Variants in WWOX observed in about 807,000 individuals in gnomAD.
WWOX encodes the protein WW domain-containing oxidoreductase.
In WWOX, 69 loss-of-function variants were observed where a neutral mutation model predicts 46.2. That is an observed-to-expected ratio of 1.49 (90% CI 1.23 to 1.82). The LOEUF is 1.82. WWOX is among the 40% of genes most tolerant of loss of function. The probability of loss-of-function intolerance (pLI) is 0.00; values close to 1 mark genes in which losing one functional copy is unlikely to be tolerated. For missense variants in WWOX, 919 were observed against 542.6 expected (o/e 1.69, Z -6.89); for synonymous variants, 359 against 202.6 (o/e 1.77, Z -6.56).
intron 8 of WWOX, among the ~76,000 whole-genome samples, chr16:78,910,802 C>G (rs966604520): frequency 2.6e-5 from 4 of 151,848 alleles, no homozygotes; most frequent in Non-Finnish European, 5.9e-5. Flanking sequence ...CCCCATGATT[C>G]AGTTACCTCT....
Position 79,207,109 on chromosome 16 carries a change from A to G in WWOX, c.1057-4499A>G, listed in dbSNP as rs34633599. Among the ~76,000 whole-genome samples the G allele has an allele frequency of 8.3e-3, 1,259 of 152,320 alleles. 8 individuals are homozygous for G. The highest frequency in any genetic ancestry group is 0.054 in the Middle Eastern group (16 of 294). ...GGAGACAGGGAAAGACAGGGCGTGT[A>G]GACGGCCATCTATTCCACCTGTGAC... On this transcript the variant is annotated intron_variant, in intron 8 of 8. Coordinates refer to ENST00000566780, the MANE Select transcript of WWOX (RefSeq NM_016373.4).
chr16:79,136,742 A>T (rs558918403), intron 8 of WWOX, among the ~76,000 whole-genome samples: 3 of 152,322 alleles, frequency 2.0e-5, no homozygotes, highest in African/African-American at 7.2e-5. Flanking sequence ...CAGCTTCCTG[A>T]CATATGGCAG....
At chr16:79,139,312 C>T (rs1425016014) in intron 8 of WWOX, among the ~76,000 whole-genome samples, 1 of 152,218 alleles carries the variant, frequency 6.6e-6, no homozygotes, top group Non-Finnish European at 1.5e-5. Flanking sequence ...ATTCCAGCTA[C>T]AGAAGCAAAG....
At chr16:78,366,422 C>T (rs968735287) in intron 5 of WWOX, among the ~76,000 whole-genome samples, 2 of 152,100 alleles carry the variant, frequency 1.3e-5, no homozygotes, top group African/African-American at 4.8e-5. Flanking sequence ...GGTGATAAAA[C>T]AACAGACACT....
chr16:78,170,370 T>G (rs78712983), intron 5 of WWOX, among the ~76,000 whole-genome samples: 5,669 of 152,308 alleles, frequency 0.037, 158 homozygotes, highest in Non-Finnish European at 0.06. Flanking sequence ...CAACTCTGTG[T>G]ATATAAAGTC....
At chr16:78,833,564 A>T (rs977796527) in intron 8 of WWOX, among the ~76,000 whole-genome samples, 1 of 152,158 alleles carries the variant, frequency 6.6e-6, no homozygotes, top group Non-Finnish European at 1.5e-5. Context: ...CAGTAGGCTT[A>T]TGGTGCTTGT....
chr16:78,705,991 G>A (rs1246678743), intron 8 of WWOX, among the ~76,000 whole-genome samples: 1 of 150,626 alleles, frequency 6.6e-6, no homozygotes, highest in Non-Finnish European at 1.5e-5. Flanking sequence ...GACTCAGATA[G>A]GTGTGTATTC....
intron 8 of WWOX, among the ~76,000 whole-genome samples, chr16:78,519,487 T>TG (rs2043304582): frequency 6.6e-6 from 1 of 151,050 alleles, no homozygotes; most frequent in East Asian, 1.9e-4. Flanking sequence ...TATACATCTA[T>TG]GAAATATATA....
intron 8 of WWOX, among the ~76,000 whole-genome samples, chr16:78,869,442 C>T (rs556316011): frequency 1.3e-5 from 2 of 152,224 alleles, no homozygotes; most frequent in African/African-American, 2.4e-5. Flanking sequence ...GTCACCAACA[C>T]AAGTTTATAC....
chr16:78,866,432 C>G (rs377435010), intron 8 of WWOX, among the ~76,000 whole-genome samples: 1 of 134,474 alleles, frequency 7.4e-6, no homozygotes, highest in South Asian at 2.3e-4. Flanking sequence ...CAAGACATCC[C>G]GTGCTATTTT....
At chr16:78,311,087 T>C (rs1166866141) in intron 5 of WWOX, among the ~76,000 whole-genome samples, 2 of 152,126 alleles carry the variant, frequency 1.3e-5, no homozygotes, top group Non-Finnish European at 2.9e-5. Context: ...GGGGTACAGA[T>C]GTGGGACTTG....
At position 78,986,139 on chromosome 16, in the gene WWOX, A is replaced by G. The variant is rs138799884; in HGVS notation, c.1057-225469A>G. On this transcript the variant is annotated intron_variant, in intron 8 of 8. Coordinates refer to ENST00000566780, the MANE Select transcript of WWOX (RefSeq NM_016373.4). Reference sequence around the variant, plus strand: ...TTTATGGAGTCAGGAGCACACATACATTCCTGGTTCTGTCAGCATTTCCCT... The same window carrying G: ...TTTATGGAGTCAGGAGCACACATACGTTCCTGGTTCTGTCAGCATTTCCCT... Among the ~76,000 whole-genome samples, 896 of 152,310 alleles carry G rather than the reference A, an allele frequency of 5.9e-3. 31 individuals carry two copies. Among genetic ancestry groups the G allele is most frequent in the Admixed American group, 0.044 (668 of 15,306 alleles).
chr16:78,497,976 G>A (rs2084959172), intron 8 of WWOX, among the ~76,000 whole-genome samples: 2 of 152,096 alleles, frequency 1.3e-5, no homozygotes, highest in Admixed American at 6.5e-5. Context: ...GCCGAGGTGG[G>A]CGGATCACAA....
intron 8 of WWOX, among the ~76,000 whole-genome samples, chr16:78,754,353 A>G (rs1028127222): frequency 1.3e-5 from 2 of 152,112 alleles, no homozygotes; most frequent in Non-Finnish European, 2.9e-5. Context: ...GCAAGTTAGT[A>G]TGTACCTGTG....
intron 8 of WWOX, among the ~76,000 whole-genome samples, chr16:78,545,067 A>G (rs2043995892): frequency 1.3e-5 from 2 of 152,322 alleles, no homozygotes; most frequent in South Asian, 4.2e-4. Flanking sequence ...TAAGCAAACC[A>G]AACGTGAATT....
At chr16:79,104,704 G>T (rs773355951) in intron 8 of WWOX, among the ~76,000 whole-genome samples, 2 of 152,164 alleles carry the variant, frequency 1.3e-5, no homozygotes, top group African/African-American at 4.8e-5. Flanking sequence ...CTGTTGATCA[G>T]TGAACACAAA....
chr16:78,475,460 G>A (rs13336293), intron 8 of WWOX, among the ~76,000 whole-genome samples: 1 of 152,070 alleles, frequency 6.6e-6, no homozygotes, highest in African/African-American at 2.4e-5. Flanking sequence ...AGAGAATAAG[G>A]TGTTGGTTTG....
intron 8 of WWOX, among the ~76,000 whole-genome samples, chr16:78,902,797 G>C (rs575131055): frequency 8.5e-5 from 13 of 152,268 alleles, no homozygotes; most frequent in Non-Finnish European, 1.9e-4. Context: ...GCTTTCCTCT[G>C]CCCTGTCCTC....
intron 8 of WWOX, among the ~76,000 whole-genome samples, chr16:78,538,017 G>A (rs1303668409): frequency 6.6e-6 from 1 of 152,052 alleles, no homozygotes; most frequent in Non-Finnish European, 1.5e-5. Flanking sequence ...AAAGATGAGG[G>A]TTGAATTATA....
Sources: allele counts gnomAD v4.1 joint callset (sites outside exome capture counted in the v4.1 genomes callset), GRCh38; gene constraint gnomAD v4.1.1; transcripts MANE v1.5; gene names NCBI Gene and HGNC (gene_info 2026-07-23, HGNC 2026-07-21).